The following CACNA2D3 variants were observed in gnomAD, a reference collection of about 807,000 sequenced individuals.
CACNA2D3 encodes the protein calcium voltage-gated channel auxiliary subunit alpha2delta 3.
Under a neutral mutation model 160.6 loss-of-function variants are expected in CACNA2D3, and 60 were observed. The ratio of observed to expected loss-of-function variants is 0.37; its 90% CI spans 0.30 to 0.46. The LOEUF is 0.46. CACNA2D3 is among the 20% of genes least tolerant of loss of function. The pLI is 1.00. For synonymous variants in CACNA2D3, 558 were observed against 492.9 expected (o/e 1.13, Z -1.75); for missense variants, 1,205 against 1,365.0 (o/e 0.88, Z 1.85).
intron 2 of CACNA2D3, among the ~76,000 whole-genome samples, chr3:54,141,107 A>T (rs1167731905): frequency 2.3e-5 from 1 of 44,172 alleles, no homozygotes; most frequent in East Asian, 1.6e-3. Flanking sequence ...GCGTGTGTGC[A>T]TGCATGCCTG....
intron 2 of CACNA2D3, among the ~76,000 whole-genome samples, chr3:54,299,644 A>G (rs62254145): frequency 0.062 from 9,410 of 152,292 alleles, 453 homozygotes; most frequent in East Asian, 0.22. Context: ...AGACAGATAA[A>G]TTCAGGGCTC....
intron 11 of CACNA2D3, among the ~76,000 whole-genome samples, chr3:54,693,854 T>G (rs536493731): frequency 1.4e-3 from 213 of 152,258 alleles, no homozygotes; most frequent in Non-Finnish European, 2.6e-3. Context: ...AAAGAAAATA[T>G]TTTTGTACAG....
At chr3:54,730,689 G>A (rs557686319) in intron 11 of CACNA2D3, among the ~76,000 whole-genome samples, 6 of 152,044 alleles carry the variant, frequency 3.9e-5, no homozygotes, top group Non-Finnish European at 8.8e-5. Flanking sequence ...TTTTAATAGA[G>A]ATGGGGTTTC....
intron 3 of CACNA2D3, among the ~76,000 whole-genome samples, chr3:54,352,154 G>A (rs745499287): frequency 3.9e-5 from 6 of 152,158 alleles, no homozygotes; most frequent in Non-Finnish European, 7.3e-5. Context: ...ACAGCAAAAG[G>A]GTCACAGGAT....
chr3:54,642,217 A>G lies in CACNA2D3; in HGVS notation c.1143A>G (p.Ala381=), dbSNP rs370985473. The G allele has an allele frequency of 6.2e-7, 1 of 1,612,024 alleles. No individual in the cohort carries two copies. Among genetic ancestry groups the G allele is most frequent in the African/African-American group, 1.3e-5 (1 of 74,890 alleles). ...GAVDTYDTIF[A]KYNWPDRKVR... is the part of the protein sequence containing the mutation. ...TGGACACCTATGATACAATCTTTGCAAAATACAATTGGCCAGATCGAAAGG... is the reference window on the plus strand; with the variant it reads ...TGGACACCTATGATACAATCTTTGCGAAATACAATTGGCCAGATCGAAAGG... Residue 381 remains alanine (A), a synonymous_variant, in exon 11 of 38, where the codon GCA becomes GCG. Transcript: ENST00000474759.
At chr3:54,969,262 C>CTTT (rs66688757) in intron 28 of CACNA2D3, among the ~76,000 whole-genome samples, 1,698 of 134,648 alleles carry the variant, frequency 0.013, 57 homozygotes, top group African/African-American at 0.044. Flanking sequence ...ATAAAGTAGA[C>CTTT]TTTTTTTTTT....
chr3:54,291,443 T>A (rs1156387403), intron 2 of CACNA2D3, among the ~76,000 whole-genome samples: 2 of 152,216 alleles, frequency 1.3e-5, no homozygotes, highest in Non-Finnish European at 1.5e-5. Flanking sequence ...CCTTTGATTT[T>A]CATTCATATT....
At chr3:55,055,942 C>G in intron 35 of CACNA2D3, among the ~76,000 whole-genome samples, 1 of 152,024 alleles carries the variant, frequency 6.6e-6, no homozygotes, top group South Asian at 2.1e-4. Flanking sequence ...CAAAAATAGA[C>G]AGATGAGATT....
intron 2 of CACNA2D3, among the ~76,000 whole-genome samples, chr3:54,154,812 A>C (rs943233446): frequency 2.6e-5 from 4 of 152,204 alleles, no homozygotes; most frequent in African/African-American, 9.6e-5. Context: ...AAACAAAAAA[A>C]AACCTGCCAG....
intron 5 of CACNA2D3, among the ~76,000 whole-genome samples, chr3:54,543,305 ATAGT>A (rs1702011125): frequency 1.3e-5 from 2 of 152,350 alleles, no homozygotes; most frequent in South Asian, 4.1e-4. Context: ...ATGTCTTTCC[ATAGT>A]TAGAGGAGGA....
chr3:54,796,266 C>CA (rs1702864180), intron 13 of CACNA2D3, among the ~76,000 whole-genome samples: 1 of 152,186 alleles, frequency 6.6e-6, no homozygotes, highest in African/African-American at 2.4e-5. Context: ...GAGTCAGTCT[C>CA]AGTGTCCTCA....
At position 54,177,505 on chromosome 3, in the gene CACNA2D3, G is replaced by A. The variant is rs550822910; in HGVS notation, c.204+53911G>A. ...GCTAACTCCTCGGGCTTTTTTAATG[G>A]AGTAGTTCACTTTGGAAGACTATTG... On this transcript the variant is annotated intron_variant, in intron 2 of 37. Coordinates refer to ENST00000474759, the MANE Select transcript of CACNA2D3 (RefSeq NM_018398.3). Among the ~76,000 whole-genome samples the A allele has an allele frequency of 6.2e-4, 95 of 152,246 alleles. No homozygotes were observed. The Middle Eastern group carries it at 0.014, about 22-fold the overall frequency.
At chr3:54,953,323 C>A (rs926554618) in intron 27 of CACNA2D3, among the ~76,000 whole-genome samples, 7 of 152,134 alleles carry the variant, frequency 4.6e-5, no homozygotes, top group African/African-American at 1.7e-4. Flanking sequence ...CTGAAATTTT[C>A]AAATCTGGGA....
At chr3:55,059,456 G>A (rs980451784) in intron 35 of CACNA2D3, among the ~76,000 whole-genome samples, 1 of 152,312 alleles carries the variant, frequency 6.6e-6, no homozygotes, top group South Asian at 2.1e-4. Flanking sequence ...TGGCTTGTCT[G>A]TTCTGGCTGT....
intron 4 of CACNA2D3, among the ~76,000 whole-genome samples, chr3:54,501,455 A>G (rs1197193640): frequency 6.9e-6 from 1 of 145,200 alleles, no homozygotes; most frequent in Non-Finnish European, 1.5e-5. Context: ...CACCCAGGCT[A>G]GAGTACATTG....
chr3:54,265,792 A>G (rs959251984), intron 2 of CACNA2D3, among the ~76,000 whole-genome samples: 6 of 151,366 alleles, frequency 4.0e-5, no homozygotes, highest in African/African-American at 1.2e-4. Flanking sequence ...AAAAAAAAAA[A>G]GGAAACAAAG....
intron 3 of CACNA2D3, among the ~76,000 whole-genome samples, chr3:54,321,364 C>T (rs62256085): frequency 0.11 from 17,077 of 151,896 alleles, 1,055 homozygotes; most frequent in South Asian, 0.21. Flanking sequence ...CCAGGCTGTT[C>T]TCAAACTCCT....
At chr3:54,400,339 C>T (rs571280277) in intron 4 of CACNA2D3, among the ~76,000 whole-genome samples, 1 of 152,022 alleles carries the variant, frequency 6.6e-6, no homozygotes, top group Non-Finnish European at 1.5e-5. Flanking sequence ...TGAACCTTCA[C>T]CTTAGAACTC....
chr3:55,022,655 C>T (rs1329868562), intron 35 of CACNA2D3, among the ~76,000 whole-genome samples: 1 of 133,960 alleles, frequency 7.5e-6, no homozygotes, highest in Non-Finnish European at 1.6e-5. Context: ...TCCTTCCTCT[C>T]TCTCCTTTTC....
Sources: gnomAD v4.1 joint callset for allele counts (sites outside exome capture counted in the v4.1 genomes callset) on GRCh38, gnomAD v4.1.1 for gene constraint, MANE v1.5 for transcripts, NCBI Gene and HGNC (gene_info 2026-07-23, HGNC 2026-07-21) for gene names.